The following HS3ST4 variants were observed in gnomAD, a reference collection of about 807,000 sequenced individuals.
HS3ST4 encodes heparan sulfate-glucosamine 3-sulfotransferase 4.
In HS3ST4, 17 loss-of-function variants were observed where a neutral mutation model predicts 29.2. The ratio of observed to expected loss-of-function variants is 0.58; its 90% CI spans 0.40 to 0.87. The LOEUF (loss-of-function observed/expected upper bound fraction) is 0.87. HS3ST4 is among the 40% of genes least tolerant of loss of function. The pLI, the probability that HS3ST4 is intolerant of heterozygous loss-of-function variation, is 0.00. For missense variants in HS3ST4, 627 were observed against 634.5 expected (o/e 0.99, Z 0.13); for synonymous variants, 314 against 285.7 (o/e 1.10, Z -1.00).
At chr16:25,983,687 CAT>C (rs1969032533) in intron 1 of HS3ST4, among the ~76,000 whole-genome samples, 1 of 152,162 alleles carries the variant, frequency 6.6e-6, no homozygotes, top group South Asian at 2.1e-4. Flanking sequence ...CTAAGCCATA[CAT>C]AGTCTTGGCT....
At chr16:25,980,624 G>T (rs1968995012) in intron 1 of HS3ST4, among the ~76,000 whole-genome samples, 1 of 152,172 alleles carries the variant, frequency 6.6e-6, no homozygotes, top group Admixed American at 6.5e-5. Context: ...CTTGTTCTCT[G>T]CCATCCCATG....
At chr16:25,828,319 T>C (rs1210519405) in intron 1 of HS3ST4, among the ~76,000 whole-genome samples, 11 of 136,334 alleles carry the variant, frequency 8.1e-5, no homozygotes, top group African/African-American at 1.7e-4. Flanking sequence ...TCTCTCTCTC[T>C]CTCTCTCTCT....
chr16:26,014,007 A>AAAATAAAT (rs142700276), intron 1 of HS3ST4, among the ~76,000 whole-genome samples: 8,307 of 145,552 alleles, frequency 0.057, 456 homozygotes, highest in African/African-American at 0.14. Flanking sequence ...ACTCTGTCTC[A>AAAATAAAT]AAATAAATAA....
At chr16:26,094,821 A>AATTGG (rs1364317887) in intron 1 of HS3ST4, among the ~76,000 whole-genome samples, 1 of 152,220 alleles carries the variant, frequency 6.6e-6, no homozygotes, top group African/African-American at 2.4e-5. Flanking sequence ...CAAACTAGCA[A>AATTGG]ATTGGATAAA....
At chr16:25,745,942 A>T (rs1034512911) in intron 1 of HS3ST4, among the ~76,000 whole-genome samples, 1 of 152,224 alleles carries the variant, frequency 6.6e-6, no homozygotes, top group African/African-American at 2.4e-5. Flanking sequence ...TTGAAACACA[A>T]TGTCCACTGC....
At chr16:25,949,069 T>G (rs558181614) in intron 1 of HS3ST4, among the ~76,000 whole-genome samples, 6 of 151,698 alleles carry the variant, frequency 4.0e-5, no homozygotes, top group African/African-American at 9.7e-5. Flanking sequence ...TTTTAAAGTA[T>G]TTTTAGTTTT....
rs1851554946 is a variant in HS3ST4, at chr16:25,887,162, G to A, written c.734+194011G>A. ...AGAAAAGGCTGTTCGTGAAAGGAAT[G>A]TCCACTGAAGGAGTAACAGAAAGCT... On this transcript the variant is annotated intron_variant, in intron 1 of 1. Coordinates refer to ENST00000331351, the MANE Select transcript of HS3ST4 (RefSeq NM_006040.3). Among the ~76,000 whole-genome samples, 3 of 152,260 alleles carry A rather than the reference G, an allele frequency of 2.0e-5. No homozygotes were observed. The South Asian group carries it at 6.2e-4, about 32-fold the overall frequency.
At chr16:25,738,428 C>G (rs11861469) in intron 1 of HS3ST4, among the ~76,000 whole-genome samples, 2,046 of 152,240 alleles carry the variant, frequency 0.013, 46 homozygotes, top group African/African-American at 0.046. Flanking sequence ...CCTAGTTCTC[C>G]CTTTTGATCA....
chr16:26,062,122 TG>T (rs1263420644), intron 1 of HS3ST4, among the ~76,000 whole-genome samples: 1 of 152,138 alleles, frequency 6.6e-6, no homozygotes, highest in Non-Finnish European at 1.5e-5. Context: ...GAGCTTTGAG[TG>T]GGTAAAACAG....
At chr16:25,764,028 C>A (rs762936789) in intron 1 of HS3ST4, among the ~76,000 whole-genome samples, 1 of 152,160 alleles carries the variant, frequency 6.6e-6, no homozygotes, top group African/African-American at 2.4e-5. Flanking sequence ...GGGGTAGGTT[C>A]TAACGGAGCT....
At chr16:26,109,070 A>C (rs1208973110) in intron 1 of HS3ST4, among the ~76,000 whole-genome samples, 4 of 152,194 alleles carry the variant, frequency 2.6e-5, no homozygotes, top group African/African-American at 9.6e-5. Flanking sequence ...TGTGGGATGA[A>C]ACCAGAAAGA....
Position 25,692,531 on chromosome 16 carries a change from G to T in HS3ST4, c.114G>T (p.Met38Ile). ...CGCCGGCGCGCAAGCTGCTTTTTAT[G>T]TGCACCTTGTCCCTGTCTGTCACCT... Reference protein sequence around the residue: ...KGPPARKLLFMCTLSLSVTYL... With the variant: ...KGPPARKLLFICTLSLSVTYL... Residue 38 changes from methionine (M) to isoleucine (I), a missense_variant, in exon 1 of 2, where the codon ATG (methionine) becomes ATT (isoleucine). Coordinates refer to ENST00000331351, the MANE Select transcript of HS3ST4 (RefSeq NM_006040.3). The T allele has an allele frequency of 6.9e-7, 1 of 1,443,940 alleles. No individual in the cohort carries two copies. The highest frequency in any genetic ancestry group is 9.2e-7 in the Non-Finnish European group (1 of 1,088,032). The allele number at this position is 1,443,940 out of a possible 1,614,324, so 89.4% of individuals were successfully genotyped here. A position where few individuals can be genotyped will look rare whatever the true frequency, so the allele number is the denominator to read the frequency against.
intron 1 of HS3ST4, among the ~76,000 whole-genome samples, chr16:25,723,560 G>A (rs1291567252): frequency 6.6e-6 from 1 of 152,188 alleles, no homozygotes; most frequent in Non-Finnish European, 1.5e-5. Flanking sequence ...AATCACATGT[G>A]ATCATTGAAG....
intron 1 of HS3ST4, among the ~76,000 whole-genome samples, chr16:25,715,421 G>A (rs1436286397): frequency 6.6e-6 from 1 of 151,404 alleles, no homozygotes; most frequent in Non-Finnish European, 1.5e-5. Flanking sequence ...TTAATAATAA[G>A]GATGGTGATT....
intron 1 of HS3ST4, among the ~76,000 whole-genome samples, chr16:25,988,398 T>C (rs1969083112): frequency 6.6e-6 from 1 of 152,140 alleles, no homozygotes; most frequent in South Asian, 2.1e-4. Flanking sequence ...ACTGTGGATG[T>C]TTTTTGGTCC....
chr16:25,961,172 G>A (rs952835560), intron 1 of HS3ST4, among the ~76,000 whole-genome samples: 4 of 152,114 alleles, frequency 2.6e-5, no homozygotes, highest in African/African-American at 7.2e-5. Context: ...AATCTATTAC[G>A]GTAGCCACAA....
At chr16:25,837,286 C>T (rs1291315448) in intron 1 of HS3ST4, among the ~76,000 whole-genome samples, 1 of 152,196 alleles carries the variant, frequency 6.6e-6, no homozygotes, top group East Asian at 1.9e-4. Context: ...CCACATCTTG[C>T]TTTCCTCTCA....
intron 1 of HS3ST4, among the ~76,000 whole-genome samples, chr16:26,050,132 C>T (rs549049862): frequency 6.6e-6 from 1 of 152,290 alleles, no homozygotes; most frequent in Non-Finnish European, 1.5e-5. Flanking sequence ...AAGTTCAACC[C>T]TCTAATCTGC....
At chr16:26,032,179 T>C (rs1370429657) in intron 1 of HS3ST4, among the ~76,000 whole-genome samples, 1 of 152,076 alleles carries the variant, frequency 6.6e-6, no homozygotes, top group Non-Finnish European at 1.5e-5. Flanking sequence ...TGCTGAAAGA[T>C]GGAAAGGGAG....
Sources: allele counts gnomAD v4.1 joint callset (sites outside exome capture counted in the v4.1 genomes callset), GRCh38; gene constraint gnomAD v4.1.1; transcripts MANE v1.5; gene names NCBI Gene and HGNC (gene_info 2026-07-23, HGNC 2026-07-21).